The following ME3 variants were observed in gnomAD, a reference collection of about 807,000 sequenced individuals.
The protein encoded by ME3 is NADP-dependent malic enzyme, mitochondrial.
ME3 carries 48 observed loss-of-function variants against 68.9 expected under a neutral mutation model. That is an observed-to-expected ratio of 0.70 (90% CI 0.55 to 0.89). ME3 has a LOEUF of 0.89. ME3 is among the 40% of genes least tolerant of loss of function. The pLI is 0.00. For missense variants in ME3, 675 were observed against 797.4 expected (o/e 0.85, Z 1.85); for synonymous variants, 320 against 318.8 (o/e 1.00, Z -0.04).
chr11:86,595,566 G>A (rs1056057629), intron 2 of ME3, among the ~76,000 whole-genome samples: 1 of 152,112 alleles, frequency 6.6e-6, no homozygotes, highest in Non-Finnish European at 1.5e-5. Context: ...CGCGTGCCCT[G>A]GTTTGAAAGG....
rs563738961 is a variant in ME3 at position 86,617,045 on chromosome 11, G to GTTTTTTTTTT, written c.183+54707_183+54716dup. Among the ~76,000 whole-genome samples the GTTTTTTTTTT allele has an allele frequency of 2.0e-3, 111 of 56,322 alleles. 27 individuals are homozygous for GTTTTTTTTTT. Among genetic ancestry groups the GTTTTTTTTTT allele is most frequent in the Admixed American group, 4.5e-3 (13 of 2,886 alleles). The allele number at this position is 56,322 out of a possible 152,430, so 36.9% of individuals were successfully genotyped here. On this transcript the variant is annotated intron_variant, in intron 2 of 14. Transcript: ENST00000543262. ...ACATCTAAAATACTCCAAGATAGTAGTTTTTTTTTTTTTTTTTTTTTTTTT... is the reference window on the plus strand; with the variant it reads ...ACATCTAAAATACTCCAAGATAGTAGTTTTTTTTTTTTTTTTTTTTTTTTTTTTTTTTTTT...
chr11:86,557,143 CATA>C (rs1473807972), intron 3 of ME3, among the ~76,000 whole-genome samples: 1 of 152,118 alleles, frequency 6.6e-6, no homozygotes, highest in Non-Finnish European at 1.5e-5. Context: ...ATGACAATAG[CATA>C]ATAATATTCT....
chr11:86,449,014 G>T (rs746479348), intron 10 of ME3, among the ~76,000 whole-genome samples: 3 of 152,208 alleles, frequency 2.0e-5, no homozygotes, highest in African/African-American at 7.2e-5. Flanking sequence ...CTGGAAAGAC[G>T]TAGGGGTGGG....
At chr11:86,638,038 C>T (rs1325209866) in intron 2 of ME3, among the ~76,000 whole-genome samples, 3 of 150,794 alleles carry the variant, frequency 2.0e-5, no homozygotes, top group African/African-American at 7.4e-5. Flanking sequence ...TACTATGGCA[C>T]CTGGGTATGA....
At chr11:86,632,461 C>G (rs925829343) in intron 2 of ME3, among the ~76,000 whole-genome samples, 1 of 152,170 alleles carries the variant, frequency 6.6e-6, no homozygotes, top group African/African-American at 2.4e-5. Context: ...TATTCTTTTA[C>G]TTTAGCAGGG....
chr11:86,556,373 C>A (rs1403760601), intron 4 of ME3, among the ~76,000 whole-genome samples, 180 bp downstream of exon 4: 2 of 151,726 alleles, frequency 1.3e-5, no homozygotes, highest in Non-Finnish European at 2.9e-5. Context: ...TCTTTTCACT[C>A]ATTTCTCTGC....
At chr11:86,464,220 A>G in intron 8 of ME3, 1 of 343,950 alleles carries the variant, frequency 2.9e-6, no homozygotes, top group Non-Finnish European at 5.7e-6. Flanking sequence ...TGGATCTTTG[A>G]TTTTTAAAAG....
At chr11:86,574,584 G>A (rs1372503855) in intron 2 of ME3, among the ~76,000 whole-genome samples, 1 of 152,202 alleles carries the variant, frequency 6.6e-6, no homozygotes, top group South Asian at 2.1e-4. Flanking sequence ...AAAGATTGCT[G>A]CCTGCTCCTT....
intron 2 of ME3, among the ~76,000 whole-genome samples, chr11:86,577,090 C>T (rs1958158424): frequency 6.6e-6 from 1 of 152,094 alleles, no homozygotes; most frequent in Non-Finnish European, 1.5e-5. Context: ...TTTCCCCCTC[C>T]CCTGTTCCCA....
chr11:86,630,799 G>A (rs1943966385), intron 2 of ME3, among the ~76,000 whole-genome samples: 1 of 152,242 alleles, frequency 6.6e-6, no homozygotes, highest in South Asian at 2.1e-4. Flanking sequence ...GGACTTTCAA[G>A]GGCTGAGGCC....
chr11:86,482,861 T>C (rs974815290), intron 7 of ME3, among the ~76,000 whole-genome samples: 1 of 152,050 alleles, frequency 6.6e-6, no homozygotes, highest in African/African-American at 2.4e-5. Context: ...AAAGCAGCCA[T>C]ATGTGTGACC....
chr11:86,621,079 A>G (rs1289072850), intron 2 of ME3, among the ~76,000 whole-genome samples: 13 of 152,210 alleles, frequency 8.5e-5, no homozygotes, highest in Non-Finnish European at 5.9e-5. Context: ...GCCTCACAAT[A>G]AAGTGTCCAG....
At chr11:86,486,049 C>G (rs964517945) in intron 7 of ME3, among the ~76,000 whole-genome samples, 5 of 152,142 alleles carry the variant, frequency 3.3e-5, no homozygotes, top group Non-Finnish European at 7.4e-5. Flanking sequence ...ATGTCCTTGT[C>G]TTCAAGCAGA....
chr11:86,605,425 T>G (rs1429593084), intron 2 of ME3, among the ~76,000 whole-genome samples: 2 of 151,810 alleles, frequency 1.3e-5, no homozygotes, highest in Non-Finnish European at 2.9e-5. Flanking sequence ...AAAAGCATTT[T>G]AGAGGTGTCA....
chr11:86,474,671 A>G (rs575057146), intron 7 of ME3, among the ~76,000 whole-genome samples: 1 of 152,164 alleles, frequency 6.6e-6, no homozygotes, highest in Non-Finnish European at 1.5e-5. Context: ...AGGTTTTTTG[A>G]TTAATGAGGC....
intron 4 of ME3, among the ~76,000 whole-genome samples, chr11:86,531,431 G>A (rs1415934328): frequency 6.6e-6 from 1 of 152,198 alleles, no homozygotes; most frequent in Admixed American, 6.5e-5. Context: ...CATTGTGGAA[G>A]TCAGTGTGGC....
At chr11:86,448,282 T>A in intron 10 of ME3, 27 bp from the exon 11 acceptor site, 1 of 1,565,328 alleles carries the variant, frequency 6.4e-7, no homozygotes. Flanking sequence ...ACAGAGCAGT[T>A]GTGGTCGTGA....
In ME3 at chr11:86,595,517, T is replaced by C. The variant is rs149692840; in HGVS notation, c.184-35694A>G. Among the ~76,000 whole-genome samples the C allele has an allele frequency of 6.1e-4, 93 of 152,274 alleles. 5 individuals are homozygous for C. The highest frequency in any genetic ancestry group is 4.4e-3 in the South Asian group (21 of 4,820). ...CTTTAGAGTCTGTGCTCTTAAACAC[T>C]ATCCTATAAGAAGCAAACTGACAAT... is the stretch of plus-strand genomic sequence containing the variant. On this transcript the variant is annotated intron_variant, in intron 2 of 14. Transcript: ENST00000543262.
In ME3 at chr11:86,447,223, G is replaced by C; in HGVS notation, c.1238-16C>G. On this transcript the variant is annotated splice_polypyrimidine_tract_variant and intron_variant, in intron 11 of 14. Coordinates refer to ENST00000543262, the Ensembl canonical transcript of ME3. ...GCAGCAACACCTACAGGGAAAAGGC[G>C]GGTAGTGGGGATGCCTGCTCTCTAT... is the stretch of plus-strand genomic sequence containing the variant. The C allele has an allele frequency of 1.2e-6, 2 of 1,612,858 alleles. No homozygotes were observed. The highest frequency in any genetic ancestry group is 1.7e-6 in the Non-Finnish European group (2 of 1,179,320).
Sources: allele counts gnomAD v4.1 joint callset (sites outside exome capture counted in the v4.1 genomes callset), GRCh38; gene constraint gnomAD v4.1.1; transcripts MANE v1.5; gene names NCBI Gene and HGNC (gene_info 2026-07-23, HGNC 2026-07-21).